FRMD4A: variants seen among roughly 807,000 people sequenced by gnomAD.
The protein encoded by FRMD4A is FERM domain containing 4A.
FRMD4A carries 29 observed loss-of-function variants against 129.1 expected under a neutral mutation model. The ratio of observed to expected loss-of-function variants is 0.22; its 90% confidence interval spans 0.17 to 0.31. FRMD4A has a LOEUF of 0.31. FRMD4A is among the 10% of genes least tolerant of loss of function. The pLI is 1.00. For synonymous variants in FRMD4A, 634 were observed against 571.6 expected, an observed-to-expected ratio of 1.11 and a Z score of -1.56; for missense variants, 1,272 against 1,375.8, an observed-to-expected ratio of 0.92 and a Z score of 1.19.
chr10:14,221,659 A>G (rs1211876720), intron 2 of FRMD4A, among the ~76,000 whole-genome samples: 1 of 151,978 alleles, frequency 6.6e-6, no homozygotes, highest in East Asian at 1.9e-4. Context: ...TCCTGGGCTC[A>G]AGTGATCCTC....
chr10:13,703,543 G>A (rs970050695), intron 13 of FRMD4A, among the ~76,000 whole-genome samples: 4 of 152,090 alleles, frequency 2.6e-5, no homozygotes, highest in African/African-American at 9.7e-5. Flanking sequence ...CGTATCTGGC[G>A]TTGCCCATCC....
At chr10:14,159,998 C>T (rs1305184398) in intron 2 of FRMD4A, among the ~76,000 whole-genome samples, 1 of 151,990 alleles carries the variant, frequency 6.6e-6, no homozygotes, top group Non-Finnish European at 1.5e-5. Context: ...CACAGTGAGC[C>T]GAGATCATGC....
intron 3 of FRMD4A, among the ~76,000 whole-genome samples, chr10:13,853,789 A>C (rs1386862143): frequency 7.3e-6 from 1 of 137,724 alleles, no homozygotes; most frequent in African/African-American, 2.7e-5. Context: ...CCAAGATTGC[A>C]CCACTGCACT....
chr10:14,149,368 C>T (rs927297132), intron 2 of FRMD4A, among the ~76,000 whole-genome samples: 2 of 152,162 alleles, frequency 1.3e-5, no homozygotes, highest in African/African-American at 2.4e-5. Flanking sequence ...GAGACAGGGT[C>T]CCACCTTGTC....
intron 2 of FRMD4A, among the ~76,000 whole-genome samples, chr10:13,907,645 G>T (rs959667026): frequency 6.6e-6 from 1 of 152,062 alleles, no homozygotes; most frequent in Admixed American, 6.5e-5. Flanking sequence ...CTGCCCAATG[G>T]CTCCTAGTGA....
At chr10:13,900,771 C>A (rs1380682860) in intron 2 of FRMD4A, among the ~76,000 whole-genome samples, 1 of 149,244 alleles carries the variant, frequency 6.7e-6, no homozygotes, top group Non-Finnish European at 1.5e-5. Flanking sequence ...TTGGCAGGTG[C>A]CTGTAATCCC....
At position 13,671,113 on chromosome 10, in the gene FRMD4A, C is replaced by G. The variant is rs575734039; in HGVS notation, c.1252-585G>C. 3.9e-5 allele frequency among the ~76,000 whole-genome samples: 6 copies of G among 152,268 alleles called. No homozygotes were observed. In the South Asian group the frequency reaches 1.2e-3, roughly 32 times the overall value. On this transcript the variant is annotated intron_variant, in intron 16 of 24. Transcript: ENST00000357447. The stretch of plus-strand genomic sequence containing the variant: ...AGTAACCTACTCTGGCCAGATGCTA[C>G]AGGAATAGGCTGTACTTAAAAGACA...
chr10:13,990,163 AC>A (rs1185097338), intron 2 of FRMD4A, among the ~76,000 whole-genome samples: 1 of 152,208 alleles, frequency 6.6e-6, no homozygotes, highest in African/African-American at 2.4e-5. Flanking sequence ...ATAAGAGCCA[AC>A]CTCAAAGGGC....
intron 2 of FRMD4A, among the ~76,000 whole-genome samples, chr10:14,064,639 G>A (rs1279014267): frequency 6.6e-6 from 1 of 152,078 alleles, no homozygotes; most frequent in Admixed American, 6.6e-5. Flanking sequence ...GTACAGTGGC[G>A]CGATCTCGGC....
intron 2 of FRMD4A, among the ~76,000 whole-genome samples, chr10:13,944,255 G>A (rs1445653762): frequency 6.6e-6 from 1 of 151,976 alleles, no homozygotes; most frequent in African/African-American, 2.4e-5. Flanking sequence ...CCTCCCATCA[G>A]ATTAGCAGTG....
intron 2 of FRMD4A, among the ~76,000 whole-genome samples, chr10:14,104,725 A>G (rs550741645): frequency 2.6e-5 from 4 of 152,332 alleles, no homozygotes; most frequent in East Asian, 3.9e-4. Context: ...GAAATTGCCA[A>G]CCTTCGGCCA....
chr10:13,807,759 A>G (rs573754764), intron 4 of FRMD4A, among the ~76,000 whole-genome samples: 1 of 152,108 alleles, frequency 6.6e-6, no homozygotes, highest in East Asian at 1.9e-4. Context: ...AGTCTCTGAC[A>G]ATATATGACC....
intron 6 of FRMD4A, among the ~76,000 whole-genome samples, chr10:13,772,192 T>C (rs2092476067): frequency 7.2e-6 from 1 of 138,260 alleles, no homozygotes; most frequent in Admixed American, 7.3e-5. Context: ...ATAATTATTA[T>C]ATAATAATAA....
chr10:13,716,671 T>G (rs922739384), intron 12 of FRMD4A, among the ~76,000 whole-genome samples: 1 of 152,224 alleles, frequency 6.6e-6, no homozygotes, highest in Non-Finnish European at 1.5e-5. Flanking sequence ...GGATGGCCTC[T>G]TTTTAACCCA....
At chr10:13,879,081 T>C (rs1333525609) in intron 2 of FRMD4A, among the ~76,000 whole-genome samples, 3 of 152,198 alleles carry the variant, frequency 2.0e-5, no homozygotes, top group Non-Finnish European at 2.9e-5. Flanking sequence ...TCCAACAGTA[T>C]ATTTTAAATA....
At chr10:13,686,466 A>G (rs369348342) in intron 15 of FRMD4A, among the ~76,000 whole-genome samples, 1 of 152,200 alleles carries the variant, frequency 6.6e-6, no homozygotes, top group Non-Finnish European at 1.5e-5. Flanking sequence ...TAACAATGGG[A>G]GGAAGTGCTA....
intron 3 of FRMD4A, among the ~76,000 whole-genome samples, chr10:13,842,859 G>A (rs568582984): frequency 4.2e-4 from 64 of 152,216 alleles, no homozygotes; most frequent in African/African-American, 1.5e-3. Flanking sequence ...AAAAGACAGT[G>A]CTTTATTCTG....
chr10:13,915,981 G>C (rs2094999320), intron 2 of FRMD4A, among the ~76,000 whole-genome samples: 1 of 152,198 alleles, frequency 6.6e-6, no homozygotes, highest in Admixed American at 6.6e-5. Context: ...CTAGTAATTT[G>C]TATTCAGAGA....
intron 2 of FRMD4A, among the ~76,000 whole-genome samples, chr10:14,102,144 A>C: frequency 6.6e-6 from 1 of 152,184 alleles, no homozygotes; most frequent in African/African-American, 2.4e-5. Flanking sequence ...AGATTGGAAG[A>C]TTCTTTCCTA....
Sources: allele counts gnomAD v4.1 joint callset (sites outside exome capture counted in the v4.1 genomes callset), GRCh38; gene constraint gnomAD v4.1.1; transcripts MANE v1.5; gene names NCBI Gene and HGNC (gene_info 2026-07-23, HGNC 2026-07-21).